The following ZNF605 variants were observed in gnomAD, a reference collection of about 807,000 sequenced individuals.
The protein encoded by ZNF605 is zinc finger protein 605.
A neutral mutation model predicts 7.9 loss-of-function variants in ZNF605; 9 were observed. The observed-to-expected ratio is 1.14, with a 90% CI of 0.68 to 1.98. The LOEUF is 1.98. ZNF605 is among the 30% of genes most tolerant of loss of function. The pLI is 0.00. For missense variants in ZNF605, 673 were observed against 762.4 expected, an observed-to-expected ratio of 0.88 and a Z score of 1.38; for synonymous variants, 255 against 260.1, an observed-to-expected ratio of 0.98 and a Z score of 0.19.
At chr12:132,934,939 C>T (rs996911472) in intron 3 of ZNF605, among the ~76,000 whole-genome samples, 19 of 152,008 alleles carry the variant, frequency 1.2e-4, no homozygotes, top group Admixed American at 6.6e-4. Context: ...TTTAGAAAGT[C>T]CTGGTTACAG....
At chr12:132,928,890 A>G (rs1241358214) in intron 4 of ZNF605, among the ~76,000 whole-genome samples, 1 of 151,872 alleles carries the variant, frequency 6.6e-6, no homozygotes, top group Non-Finnish European at 1.5e-5. Flanking sequence ...GGTGGTGCAC[A>G]CGTGAAGTCC....
At chr12:132,931,680 G>C (rs1441908201) in intron 4 of ZNF605, among the ~76,000 whole-genome samples, 2 of 152,174 alleles carry the variant, frequency 1.3e-5, no homozygotes, top group Non-Finnish European at 2.9e-5. Context: ...CTTGAGCATA[G>C]AAAAATAAGT....
intron 1 of ZNF605, among the ~76,000 whole-genome samples, chr12:132,950,356 G>C (rs1952543943): frequency 6.6e-6 from 1 of 152,058 alleles, no homozygotes. Context: ...CACACACACT[G>C]ATCTACAAGT....
Position 132,926,282 on chromosome 12 carries a change from AC to A in ZNF605, c.1016del (p.Cys339LeufsTer42). Reference sequence around the variant, plus strand: ...TGCTGAAGGCTTTTTGACACTCACCACATCCGTAAGGTTTCTTCCCTGTGTG... The same window carrying A: ...TGCTGAAGGCTTTTTGACACTCACCAATCCGTAAGGTTTCTTCCCTGTGTG... ...RTHTGKKPYG[C>X]GECQKAFSRN... On this transcript the variant is annotated frameshift_variant, in exon 5 of 5. Transcript: ENST00000360187. LOFTEE classifies it low-confidence loss of function (END_TRUNC). The A allele has an allele frequency of 6.2e-7, 1 of 1,613,984 alleles. No homozygotes were observed. Among genetic ancestry groups the A allele is most frequent in the Non-Finnish European group, 8.5e-7 (1 of 1,179,966 alleles).
At chr12:132,939,054 A>G (rs796770337) in intron 3 of ZNF605, among the ~76,000 whole-genome samples, 22,004 of 150,408 alleles carry the variant, frequency 0.15, 2,455 homozygotes, top group Non-Finnish European at 0.2. Flanking sequence ...ATGGGCTCCC[A>G]TGCGGCCCCA....
At chr12:132,953,649 T>A (rs1327418639) in intron 1 of ZNF605, among the ~76,000 whole-genome samples, 2 of 152,104 alleles carry the variant, frequency 1.3e-5, no homozygotes, top group Middle Eastern at 3.4e-3. Flanking sequence ...ATGGTGTGGA[T>A]CTCTTGACCT....
At chr12:132,947,282 T>C (rs1320884090) in intron 2 of ZNF605, among the ~76,000 whole-genome samples, 4 of 152,002 alleles carry the variant, frequency 2.6e-5, no homozygotes, top group African/African-American at 9.7e-5. Context: ...CCCAAAGTGC[T>C]GGGATTACAG....
chr12:132,944,223 C>G (rs1952475263), intron 3 of ZNF605, among the ~76,000 whole-genome samples: 2 of 147,234 alleles, frequency 1.4e-5, no homozygotes, highest in Admixed American at 1.4e-4. Context: ...TATTCCTTTA[C>G]TTTTTTTTTT....
At chr12:132,939,780 C>G (rs1374695547) in intron 3 of ZNF605, among the ~76,000 whole-genome samples, 1 of 152,210 alleles carries the variant, frequency 6.6e-6, no homozygotes, top group African/African-American at 2.4e-5. Context: ...CTACTGCTCA[C>G]TCTTTGGGTC....
chr12:132,925,524 CCA>C lies in ZNF605; in HGVS notation c.1773_1774del (p.Cys591TrpfsTer2). 6.2e-7 allele frequency: 1 copy of C among 1,614,138 alleles called. No homozygotes were observed. Among genetic ancestry groups the C allele is most frequent in the South Asian group, 1.1e-5 (1 of 91,084 alleles). ...TCTTGTGAAAGATTTCCCACATTCA[CCA>C]CATTTATATGGTCTCTCTCCTGTAT... is the stretch of plus-strand genomic sequence containing the variant. On this transcript the variant is annotated frameshift_variant, in exon 5 of 5. Coordinates refer to ENST00000360187, the MANE Select transcript of ZNF605 (RefSeq NM_183238.4). LOFTEE classifies it low-confidence loss of function (END_TRUNC).
intron 3 of ZNF605, among the ~76,000 whole-genome samples, chr12:132,944,350 G>C (rs1169295814): frequency 6.6e-6 from 1 of 152,166 alleles, no homozygotes; most frequent in Admixed American, 6.5e-5. Context: ...GGGAAAGGGT[G>C]AGAGGGGAGA....
At chr12:132,943,291 G>A (rs1003086446) in intron 3 of ZNF605, among the ~76,000 whole-genome samples, 1 of 151,776 alleles carries the variant, frequency 6.6e-6, no homozygotes, top group South Asian at 2.1e-4. Context: ...CCCGGGAGGC[G>A]GAGCTTGCAG....
In ZNF605 at chr12:132,918,317, AC is replaced by A. The variant is rs1952175868; in HGVS notation, c.*7055del. 1 of 152,186 alleles carries A rather than the reference AC, an allele frequency of 6.6e-6. No individual in the cohort carries two copies. Among genetic ancestry groups the A allele is most frequent in the Non-Finnish European group, 1.5e-5 (1 of 68,024 alleles). 9.4% of individuals were successfully genotyped at this position (152,186 alleles called of 1,614,324 possible). A position where few individuals can be genotyped will look rare whatever the true frequency, so the allele number is the denominator to read the frequency against. ...TTGGGGATACCTGGTTGGAATGGAA[AC>A]CAGAGTTTATTTGCAAATTGCTCCC... On this transcript the variant is annotated 3_prime_UTR_variant, in exon 5 of 5. Coordinates refer to ENST00000360187, the MANE Select transcript of ZNF605 (RefSeq NM_183238.4).
intron 1 of ZNF605, among the ~76,000 whole-genome samples, chr12:132,950,775 CA>C (rs1952551397): frequency 6.6e-6 from 1 of 151,756 alleles, no homozygotes; most frequent in African/African-American, 2.4e-5. Flanking sequence ...ACATCACAGA[CA>C]TGTACACACA....
chr12:132,939,701 T>G (rs1952413028), intron 3 of ZNF605, among the ~76,000 whole-genome samples: 1 of 152,208 alleles, frequency 6.6e-6, no homozygotes, highest in Non-Finnish European at 1.5e-5. Context: ...GAGCCAGCAG[T>G]GGCAACCCGC....
intron 4 of ZNF605, among the ~76,000 whole-genome samples, chr12:132,927,732 C>T (rs1051421901): frequency 1.3e-5 from 2 of 150,760 alleles, no homozygotes; most frequent in Non-Finnish European, 3.0e-5. Context: ...TCTCAGCTCA[C>T]CACAACCTCC....
rs1404471634 is a variant in ZNF605 at position 132,922,800 on chromosome 12, T to A, written c.*2573A>T. On this transcript the variant is annotated 3_prime_UTR_variant, in exon 5 of 5. Transcript: ENST00000360187. ...ATAGATGGGGCTTCCCAAAGGAAGC[T>A]GTATCCTTACGGGAACACAGAAGCT... 6.6e-6 allele frequency: 1 copy of A among 151,884 alleles called. No individual in the cohort carries two copies. Among genetic ancestry groups the A allele is most frequent in the Non-Finnish European group, 1.5e-5 (1 of 68,046 alleles). The allele number at this position is 151,884 out of a possible 1,614,324, so 9.4% of individuals were successfully genotyped here.
chr12:132,940,917 T>G (rs1055301477), intron 3 of ZNF605, among the ~76,000 whole-genome samples: 8 of 142,512 alleles, frequency 5.6e-5, no homozygotes, highest in Non-Finnish European at 1.2e-4. Context: ...TGAGGTCCCC[T>G]GTGTCTACTG....
At chr12:132,950,913 T>C (rs1952554796) in intron 1 of ZNF605, among the ~76,000 whole-genome samples, 1 of 150,026 alleles carries the variant, frequency 6.7e-6, no homozygotes, top group African/African-American at 2.5e-5. Flanking sequence ...CACATACTGA[T>C]ACACACGTAA....
Sources: gnomAD v4.1 joint callset for allele counts (sites outside exome capture counted in the v4.1 genomes callset) on GRCh38, gnomAD v4.1.1 for gene constraint, MANE v1.5 for transcripts, NCBI Gene and HGNC (gene_info 2026-07-23, HGNC 2026-07-21) for gene names.